The following FAAH2 variants were observed in gnomAD, a reference collection of about 807,000 sequenced individuals.
FAAH2 encodes fatty-acid amide hydrolase 2.
Under a neutral mutation model 36.9 loss-of-function variants are expected in FAAH2, and 60 were observed. That is an observed-to-expected ratio of 1.63 (90% CI 1.32 to 2.02). FAAH2 has a LOEUF of 2.02. Among genes scored for constraint, FAAH2 ranks in the 30% most tolerant of loss-of-function variants. The probability of loss-of-function intolerance (pLI) is 0.00; values close to 1 mark genes in which losing one functional copy is unlikely to be tolerated. For synonymous variants in FAAH2, 214 were observed against 143.8 expected (o/e 1.49, Z -3.49); for missense variants, 689 against 397.5 (o/e 1.73, Z -6.23).
intron 7 of FAAH2, among the ~76,000 whole-genome samples, chrX:57,386,457 C>G (rs777665432): frequency 3.6e-5 from 4 of 111,252 alleles, no homozygotes; most frequent in Non-Finnish European, 7.5e-5. Context: ...TCCTGGCGAG[C>G]TGGAGGATAA....
chrX:57,234,982 G>A, the FAAH2 span, among the ~76,000 whole-genome samples: 1 of 111,550 alleles, frequency 9.0e-6, no homozygotes, highest in Non-Finnish European at 1.9e-5. Context: ...AGGTTGCAGT[G>A]AGCCCAGATC....
chrX:57,223,493 C>T, the FAAH2 span, among the ~76,000 whole-genome samples: 2 of 111,523 alleles, frequency 1.8e-5, no homozygotes, highest in African/African-American at 3.3e-5. Context: ...TGCAACTTCT[C>T]TGCCCTATTC....
At chrX:57,263,201 C>A in the FAAH2 span, among the ~76,000 whole-genome samples, 1 of 111,284 alleles carries the variant, frequency 9.0e-6, no homozygotes, top group Non-Finnish European at 1.9e-5. Context: ...TAGAAAATCG[C>A]AAGGAGTGTA....
At chrX:57,339,409 C>G (rs1190212797) in intron 4 of FAAH2, among the ~76,000 whole-genome samples, 1 of 111,876 alleles carries the variant, frequency 8.9e-6, no homozygotes, top group African/African-American at 3.3e-5. Flanking sequence ...CAAAAATTGA[C>G]CAATGGAATC....
intron 10 of FAAH2, among the ~76,000 whole-genome samples, chrX:57,466,150 C>CTATATATATA (rs1448015750): frequency 3.4e-4 from 26 of 75,605 alleles, no homozygotes; most frequent in East Asian, 2.1e-3. Context: ...CTCTCTCTCT[C>CTATATATATA]TCTCTCTATA....
intron 7 of FAAH2, among the ~76,000 whole-genome samples, chrX:57,428,604 T>A (rs1315487982): frequency 8.9e-6 from 1 of 112,091 alleles, no homozygotes; most frequent in South Asian, 3.7e-4. Flanking sequence ...TACAGCCAAC[T>A]GGTCTTCGAT....
chrX:57,388,154 T>C (rs1299796065), intron 7 of FAAH2, among the ~76,000 whole-genome samples: 1 of 111,693 alleles, frequency 9.0e-6, no homozygotes, highest in Non-Finnish European at 1.9e-5. Flanking sequence ...TATTCCAGAA[T>C]TTTAATATGG....
intron 3 of FAAH2, among the ~76,000 whole-genome samples, chrX:57,327,804 C>A (rs750504089): frequency 4.3e-4 from 48 of 111,281 alleles, no homozygotes; most frequent in East Asian, 1.7e-3. Flanking sequence ...TTTAGCTTGC[C>A]GTAGTTTGAT....
intron 2 of FAAH2, among the ~76,000 whole-genome samples, chrX:57,296,410 A>C (rs1282583390): frequency 1.8e-5 from 2 of 112,003 alleles, no homozygotes; most frequent in African/African-American, 6.5e-5. Context: ...TACAAGGAAA[A>C]CTAACAAACA....
the FAAH2 span, among the ~76,000 whole-genome samples, chrX:57,148,261 A>G: frequency 0.011 from 1,254 of 111,404 alleles, 16 homozygotes; most frequent in African/African-American, 0.04. Context: ...TTTTGGTTCC[A>G]TATGAACTTT....
the FAAH2 span, among the ~76,000 whole-genome samples, chrX:57,131,632 A>G: frequency 1.5e-4 from 17 of 112,074 alleles, no homozygotes; most frequent in Non-Finnish European, 3.2e-4. Context: ...ACAAACTTGC[A>G]AAGAGTAAAG....
the FAAH2 span, among the ~76,000 whole-genome samples, chrX:57,153,422 T>C: frequency 1.8e-5 from 2 of 112,100 alleles, no homozygotes; most frequent in African/African-American, 6.5e-5. Flanking sequence ...TTGTTGCCTG[T>C]ATACCTTTTT....
chrX:57,418,930 G>A (rs1321676712), intron 7 of FAAH2, among the ~76,000 whole-genome samples: 12 of 91,177 alleles, frequency 1.3e-4, no homozygotes, highest in African/African-American at 3.8e-4. Context: ...ATGTGTTCTC[G>A]TTGTTCAATT....
intron 2 of FAAH2, among the ~76,000 whole-genome samples, chrX:57,295,065 T>C (rs2052093291): frequency 1.8e-5 from 2 of 111,721 alleles, no homozygotes; most frequent in Admixed American, 9.5e-5. Flanking sequence ...TCAAAGGAAA[T>C]GCCTGCAGAG....
At chrX:57,354,526 T>C (rs969766653) in intron 5 of FAAH2, among the ~76,000 whole-genome samples, 2 of 110,278 alleles carry the variant, frequency 1.8e-5, no homozygotes, top group African/African-American at 6.5e-5. Flanking sequence ...GATTTGACTG[T>C]TATGTAACCT....
chrX:57,193,210 C>T, the FAAH2 span, among the ~76,000 whole-genome samples: 1 of 111,494 alleles, frequency 9.0e-6, no homozygotes, highest in East Asian at 2.8e-4. Flanking sequence ...TAAATGGCCC[C>T]CTTGGGTGTG....
the FAAH2 span, among the ~76,000 whole-genome samples, chrX:57,277,417 T>G: frequency 2.7e-5 from 3 of 111,703 alleles, no homozygotes; most frequent in Non-Finnish European, 5.6e-5. Context: ...ATTGATGGAA[T>G]GTATCTCAAA....
At chrX:57,465,304 C>T (rs553248593) in intron 10 of FAAH2, among the ~76,000 whole-genome samples, 10 of 110,999 alleles carry the variant, frequency 9.0e-5, no homozygotes, top group African/African-American at 2.0e-4. Flanking sequence ...AATTCCAGAA[C>T]GGGAGATGAG....
At chrX:57,202,371 T>C in the FAAH2 span, among the ~76,000 whole-genome samples, 1 of 112,279 alleles carries the variant, frequency 8.9e-6, no homozygotes, top group Non-Finnish European at 1.9e-5. Context: ...AGTAACACCA[T>C]GAGTCTCACA....
Sources: gnomAD v4.1 joint callset for allele counts (sites outside exome capture counted in the v4.1 genomes callset) on GRCh38, gnomAD v4.1.1 for gene constraint, MANE v1.5 for transcripts, NCBI Gene and HGNC (gene_info 2026-07-23, HGNC 2026-07-21) for gene names.